The following LRRC9 variants were observed in gnomAD, a reference collection of about 807,000 sequenced individuals.
LRRC9 encodes leucine-rich repeat-containing protein 9.
Under a neutral mutation model 63.2 loss-of-function variants are expected in LRRC9, and 122 were observed. The ratio of observed to expected loss-of-function variants is 1.93; its 90% CI spans 1.67 to 2.24. The LOEUF is 2.24. Ranked by LOEUF, LRRC9 falls within the 30% of genes most tolerant of loss-of-function variation. The pLI is 0.00. For missense variants in LRRC9, 1,071 were observed against 627.7 expected (o/e 1.71, Z -7.55); for synonymous variants, 366 against 213.1 (o/e 1.72, Z -6.25).
At position 60,028,015 on chromosome 14, in the gene LRRC9, T is replaced by C. The variant is rs769541638; in HGVS notation, c.3835T>C (p.Leu1279=). 7.1e-6 allele frequency: 5 copies of C among 701,876 alleles called. No individual in the cohort carries two copies. In the South Asian group the frequency reaches 7.4e-5, roughly 10 times the overall value. The allele number at this position is 701,876 out of a possible 1,614,324, so 43.5% of individuals were successfully genotyped here. ...ACCAAGTTCTTTATTGGCACTTCACTTGGAGGAAAACAGACTACGAGAACT... is the reference window on the plus strand; with the variant it reads ...ACCAAGTTCTTTATTGGCACTTCACCTGGAGGAAAACAGACTACGAGAACT... The change falls in exon 28 of 32, where the codon TTG becomes CTG. Residue 1279 remains leucine (L), a synonymous_variant. Transcript: ENST00000445360.
intron 17 of LRRC9, among the ~76,000 whole-genome samples, chr14:59,987,184 A>T (rs1377024516): frequency 3.3e-5 from 5 of 152,068 alleles, no homozygotes; most frequent in Non-Finnish European, 1.5e-5. Flanking sequence ...CTCCACAAGA[A>T]ATCATTATCC....
Position 60,058,349 on chromosome 14 carries a change from C to T in LRRC9, c.4276+327C>T, listed in dbSNP as rs1013433729. On this transcript the variant is annotated intron_variant, in intron 31 of 31. Coordinates refer to ENST00000445360, the Ensembl canonical transcript of LRRC9. The surrounding 1 kb of genome is among the most constrained non-coding windows in gnomAD (Gnocchi z 4.4). ...TTATTTCATTTCATGGATGTCAGAG[C>T]AAACAACTACTAAAACCAGTTCATT... Among the ~76,000 whole-genome samples the T allele has an allele frequency of 6.6e-6, 1 of 152,062 alleles. No individual in the cohort carries two copies. The highest frequency in any genetic ancestry group is 2.4e-5 in the African/African-American group (1 of 41,410).
rs1409185187 is a variant in LRRC9, at chr14:60,031,471, T to A, written c.3922-524T>A. On this transcript the variant is annotated intron_variant, in intron 28 of 31. Transcript: ENST00000445360. This position sits in a 1 kb window ranked among gnomAD's most constrained non-coding sequence, Gnocchi z 4.6. Reference sequence around the variant, plus strand: ...ACTTTCACCAATGTTAAATGGAAGCTAATAAATAATGCTATGCAATAGAGA... The same window carrying A: ...ACTTTCACCAATGTTAAATGGAAGCAAATAAATAATGCTATGCAATAGAGA... Among the ~76,000 whole-genome samples, 2 of 152,052 alleles carry A rather than the reference T, an allele frequency of 1.3e-5. No individual in the cohort carries two copies. Among genetic ancestry groups the A allele is most frequent in the Non-Finnish European group, 2.9e-5 (2 of 67,946 alleles).
intron 7 of LRRC9, among the ~76,000 whole-genome samples, chr14:59,941,833 T>A (rs556788485): frequency 1.3e-5 from 2 of 152,252 alleles, no homozygotes; most frequent in South Asian, 4.1e-4. Context: ...TTCTTCCAGA[T>A]TTTTGAAAAT....
chr14:60,034,795 C>T (rs915856154), intron 29 of LRRC9, among the ~76,000 whole-genome samples: 3 of 152,126 alleles, frequency 2.0e-5, no homozygotes, highest in Admixed American at 2.0e-4. Flanking sequence ...ATGAATAATG[C>T]TGCAATAAAC....
intron 20 of LRRC9, among the ~76,000 whole-genome samples, chr14:60,002,963 G>C (rs941263048): frequency 6.6e-6 from 1 of 152,148 alleles, no homozygotes; most frequent in Non-Finnish European, 1.5e-5. Flanking sequence ...TTCAGCCAAG[G>C]ATAAGGGAAA....
chr14:60,034,860 C>T (rs1457231643), intron 29 of LRRC9, among the ~76,000 whole-genome samples: 1 of 152,102 alleles, frequency 6.6e-6, no homozygotes, highest in Non-Finnish European at 1.5e-5. Context: ...TAGATACATA[C>T]CCAGTAGTGG....
At chr14:59,933,801 C>T (rs1036413642) in intron 6 of LRRC9, among the ~76,000 whole-genome samples, 2 of 151,964 alleles carry the variant, frequency 1.3e-5, no homozygotes, top group African/African-American at 2.4e-5. Context: ...ACGGGGAAAA[C>T]AATATGTACA....
intron 8 of LRRC9, among the ~76,000 whole-genome samples, chr14:59,955,575 A>G (rs1180895698): frequency 6.6e-6 from 1 of 151,904 alleles, no homozygotes; most frequent in Admixed American, 6.6e-5. Context: ...TATGTTGTTG[A>G]TCTTTTCAAA....
At chr14:60,026,529 C>G (rs7150976) in intron 27 of LRRC9, among the ~76,000 whole-genome samples, 7,783 of 152,094 alleles carry the variant, frequency 0.051, 626 homozygotes, top group African/African-American at 0.17. Flanking sequence ...TAAGCTATCT[C>G]TTCACTTCGT....
Position 59,966,646 on chromosome 14 carries a change from A to G in LRRC9, c.1269A>G (p.Thr423=). The stretch of plus-strand genomic sequence containing the variant: ...GTTTTTGTGCCTGGGACTTCAGAAC[A>G]TACGGTATTACAGGAGTAAAAGTAA... Residue 423 remains threonine (T), a synonymous_variant, in exon 11 of 32, where the codon ACA becomes ACG. Transcript: ENST00000445360. The surrounding 1 kb of genome is among the most constrained non-coding windows in gnomAD (Gnocchi z 4.0). The G allele has an allele frequency of 1.4e-6, 1 of 697,250 alleles. No homozygotes were observed. The highest frequency in any genetic ancestry group is 2.6e-6 in the Non-Finnish European group (1 of 382,344). 43.2% of individuals were successfully genotyped at this position (697,250 alleles called of 1,614,324 possible).
intron 23 of LRRC9, among the ~76,000 whole-genome samples, chr14:60,011,580 T>C (rs940989047): frequency 3.3e-5 from 5 of 152,224 alleles, no homozygotes; most frequent in African/African-American, 9.6e-5. Flanking sequence ...GTTTGCATTT[T>C]ACTATTTGAT....
intron 8 of LRRC9, among the ~76,000 whole-genome samples, chr14:59,948,302 C>G (rs1238275911): frequency 1.5e-5 from 2 of 137,368 alleles, no homozygotes; most frequent in African/African-American, 5.7e-5. Flanking sequence ...TGATTTGGCT[C>G]TCTGTTTGTC....
intron 1 of LRRC9, among the ~76,000 whole-genome samples, chr14:59,926,079 G>T (rs202084876): frequency 6.6e-6 from 1 of 152,060 alleles, no homozygotes; most frequent in Non-Finnish European, 1.5e-5. Flanking sequence ...GGCCTTCCCA[G>T]CCATATGAAA....
At chr14:59,928,299 T>C (rs1889382176) in exon 3 of LRRC9, 2 of 630,888 alleles carry the variant, frequency 3.2e-6, no homozygotes, top group African/African-American at 1.9e-5. Flanking sequence ...TATGAGATGG[T>C]TGGACAAGAA....
chr14:59,961,263 C>A (rs896693999), intron 10 of LRRC9, among the ~76,000 whole-genome samples: 6 of 152,144 alleles, frequency 3.9e-5, no homozygotes, highest in African/African-American at 1.4e-4. Flanking sequence ...CGTGAGCCAA[C>A]CTTGAAGACA....
At chr14:60,043,127 T>C (rs1595095515) in intron 29 of LRRC9, among the ~76,000 whole-genome samples, 1 of 152,336 alleles carries the variant, frequency 6.6e-6, no homozygotes, top group East Asian at 1.9e-4. Flanking sequence ...ATGCTATTGA[T>C]TTTTGTATGT....
chr14:60,029,545 A>G (rs1473734666), intron 28 of LRRC9, among the ~76,000 whole-genome samples: 1 of 152,040 alleles, frequency 6.6e-6, no homozygotes, highest in African/African-American at 2.4e-5. Flanking sequence ...ATAAATGAGG[A>G]CCTTCTTCCT....
intron 8 of LRRC9, among the ~76,000 whole-genome samples, chr14:59,955,557 G>T (rs532360319): frequency 6.6e-6 from 1 of 152,094 alleles, no homozygotes; most frequent in African/African-American, 2.4e-5. Flanking sequence ...TCTAGCTAGT[G>T]GTCTGTCTAT....
Sources: allele counts gnomAD v4.1 joint callset (sites outside exome capture counted in the v4.1 genomes callset), GRCh38; gene constraint gnomAD v4.1.1; non-coding constraint Gnocchi (gnomAD v3.1); transcripts MANE v1.5; gene names NCBI Gene and HGNC (gene_info 2026-07-23, HGNC 2026-07-21).